HMCN1: variants seen among roughly 807,000 people sequenced by gnomAD.
The protein encoded by HMCN1 is hemicentin-1.
A neutral mutation model predicts 625.9 loss-of-function variants in HMCN1; 321 were observed. That is an observed-to-expected ratio of 0.51 (90% CI 0.47 to 0.56). The LOEUF is 0.56. Ranked by LOEUF, HMCN1 falls within the 20% of genes least tolerant of loss-of-function variation. The probability of loss-of-function intolerance (pLI) is 0.00; values close to 1 mark genes in which losing one functional copy is unlikely to be tolerated. For synonymous variants in HMCN1, 2,425 were observed against 2,417.6 expected (o/e 1.00, Z -0.09); for missense variants, 6,588 against 6,887.3 (o/e 0.96, Z 1.54).
At chr1:185,821,036 A>T (rs1571401450) in intron 1 of HMCN1, among the ~76,000 whole-genome samples, 1 of 151,844 alleles carries the variant, frequency 6.6e-6, no homozygotes, top group African/African-American at 2.4e-5. Flanking sequence ...ATATATATGT[A>T]CATGTAATAT....
At chr1:185,785,515 T>C (rs1043146381) in intron 1 of HMCN1, among the ~76,000 whole-genome samples, 2 of 152,236 alleles carry the variant, frequency 1.3e-5, no homozygotes, top group African/African-American at 4.8e-5. Flanking sequence ...TTCAAACTGC[T>C]AATTTTCCCT....
intron 106 of HMCN1, among the ~76,000 whole-genome samples, chr1:186,188,556 T>C (rs753760506): frequency 1.3e-5 from 2 of 152,176 alleles, no homozygotes; most frequent in Non-Finnish European, 2.9e-5. Context: ...GTTTTCTCTC[T>C]CCCCTTCCAG....
At chr1:185,786,720 C>A (rs73060501) in intron 1 of HMCN1, among the ~76,000 whole-genome samples, 3 of 152,282 alleles carry the variant, frequency 2.0e-5, no homozygotes, top group South Asian at 4.1e-4. Context: ...AAAGCCAACA[C>A]GAAACTTTTA....
intron 5 of HMCN1, among the ~76,000 whole-genome samples, chr1:185,910,645 A>G (rs1435585612): frequency 6.8e-6 from 1 of 147,878 alleles, no homozygotes; most frequent in Non-Finnish European, 1.5e-5. Context: ...ACCTCAGCTC[A>G]TTGCAACCTC....
chr1:186,032,667 C>T (rs891788990), intron 36 of HMCN1, among the ~76,000 whole-genome samples: 1 of 151,948 alleles, frequency 6.6e-6, no homozygotes, highest in Non-Finnish European at 1.5e-5. Context: ...AAACCTCTTT[C>T]CTTTATAAAT....
chr1:185,786,619 A>C (rs1053527148), intron 1 of HMCN1, among the ~76,000 whole-genome samples: 2 of 152,208 alleles, frequency 1.3e-5, no homozygotes, highest in Admixed American at 6.5e-5. Flanking sequence ...ACTAGCTGCA[A>C]ATGCCCTCTT....
chr1:185,982,409 A>G lies in HMCN1; in HGVS notation c.2790+20A>G. The G allele has an allele frequency of 6.3e-7, 1 of 1,599,912 alleles. No homozygotes were observed. Among genetic ancestry groups the G allele is most frequent in the Non-Finnish European group, 8.6e-7 (1 of 1,168,518 alleles). On this transcript the variant is annotated intron_variant, in intron 18 of 106. Coordinates refer to ENST00000271588, the MANE Select transcript of HMCN1 (RefSeq NM_031935.3). ...GCTATGGTAAGAACATTTTAAATGC[A>G]TGCATTCACATTCTTTTGTGAGTTT...
intron 50 of HMCN1, among the ~76,000 whole-genome samples, chr1:186,069,354 G>A (rs1049890446): frequency 1.3e-5 from 2 of 152,168 alleles, no homozygotes; most frequent in African/African-American, 4.8e-5. Flanking sequence ...GATTAAGGCA[G>A]AAACCTATTT....
In HMCN1 at chr1:186,151,642, C is replaced by G; in HGVS notation, c.14795C>G (p.Pro4932Arg). Residue 4932 changes from proline to arginine, a missense_variant, in exon 95 of 107, where the codon CCC (proline) becomes CGC (arginine). Coordinates refer to ENST00000271588, the MANE Select transcript of HMCN1 (RefSeq NM_031935.3). The stretch of plus-strand genomic sequence containing the variant: ...AGAAAGATAGTTTCTATTCTAAATC[C>G]CATTTATTGGACAACAGCAAAGGAA... ...AMRKIVSILN[P>R]IYWTTAKEIG... 6.2e-7 allele frequency: 1 copy of G among 1,612,654 alleles called. No individual in the cohort carries two copies. The highest frequency in any genetic ancestry group is 8.5e-7 in the Non-Finnish European group (1 of 1,178,896).
Position 185,922,491 on chromosome 1 carries a change from C to T in HMCN1, c.1013C>T (p.Pro338Leu). The stretch of plus-strand genomic sequence containing the variant: ...GACTTCAAAAAAACAGTCAGCAGAC[C>T]AGTGCAAGGTTTGTATGTGCATATT... ...TLDFKKTVSR[P>L]VQGIPTYVLL... Residue 338 changes from proline (P) to leucine (L), a missense_variant, in exon 7 of 107, where the codon CCA becomes CTA. This residue lies in a region of HMCN1 where 4,628 missense variants were observed against 4,853.1 expected (regional missense o/e 0.95). Coordinates refer to ENST00000271588, the MANE Select transcript of HMCN1 (RefSeq NM_031935.3). The T allele has an allele frequency of 6.2e-7, 1 of 1,611,806 alleles. No homozygotes were observed. The highest frequency in any genetic ancestry group is 2.2e-5 in the East Asian group (1 of 44,790).
chr1:185,857,249 T>C (rs1204557967), intron 2 of HMCN1, among the ~76,000 whole-genome samples: 3 of 152,186 alleles, frequency 2.0e-5, no homozygotes, highest in Non-Finnish European at 4.4e-5. Flanking sequence ...ATCTGAAAGG[T>C]CTTTGGCAAT....
chr1:185,817,129 C>T (rs574117148), intron 1 of HMCN1, among the ~76,000 whole-genome samples: 59 of 152,236 alleles, frequency 3.9e-4, no homozygotes, highest in African/African-American at 1.3e-3. Flanking sequence ...CAGAGATGAA[C>T]GAGAAACTCT....
intron 11 of HMCN1, among the ~76,000 whole-genome samples, 198 bp from the exon 12 acceptor site, chr1:185,962,320 T>C (rs1042418540): frequency 2.6e-5 from 4 of 152,200 alleles, no homozygotes; most frequent in African/African-American, 9.6e-5. Flanking sequence ...ATCAAATTCA[T>C]TTAACTTTCA....
chr1:186,150,313 C>G (rs963793128), intron 93 of HMCN1, among the ~76,000 whole-genome samples: 1 of 152,138 alleles, frequency 6.6e-6, no homozygotes, highest in African/African-American at 2.4e-5. Flanking sequence ...CTTCTCTTGT[C>G]AAAGCATGAA....
intron 93 of HMCN1, among the ~76,000 whole-genome samples, chr1:186,148,699 G>T (rs1290140170): frequency 3.9e-5 from 6 of 151,968 alleles, no homozygotes; most frequent in Non-Finnish European, 7.4e-5. Context: ...TAGAGACAGG[G>T]TTTCACCATG....
chr1:185,745,336 C>T (rs566733730), intron 1 of HMCN1, among the ~76,000 whole-genome samples: 31 of 152,292 alleles, frequency 2.0e-4, no homozygotes, highest in African/African-American at 7.2e-4. Context: ...AACCAGCCCA[C>T]GCATCAGCAG....
intron 49 of HMCN1, among the ~76,000 whole-genome samples, chr1:186,066,862 T>C (rs1294682862): frequency 6.6e-6 from 1 of 152,150 alleles, no homozygotes; most frequent in African/African-American, 2.4e-5. Flanking sequence ...ACATATTCTC[T>C]TCAAGTAATA....
intron 1 of HMCN1, among the ~76,000 whole-genome samples, chr1:185,743,982 G>GTTTTTTTTTTTTTT (rs1214723950): frequency 3.4e-5 from 3 of 88,140 alleles, no homozygotes; most frequent in African/African-American, 4.0e-5. Context: ...TTACTGTTTT[G>GTTTTTTTTTTTTTT]TTTTTTTTTT....
chr1:186,116,863 A>G (rs1661158706), intron 75 of HMCN1, 131 bp from the exon 76 acceptor site: 1 of 1,022,480 alleles, frequency 9.8e-7, no homozygotes, highest in Non-Finnish European at 1.5e-6. Flanking sequence ...CCTCAGGGAC[A>G]TGATGTTAAT....
Sources: allele counts gnomAD v4.1 joint callset (sites outside exome capture counted in the v4.1 genomes callset), GRCh38; gene constraint gnomAD v4.1.1; regional missense constraint gnomAD v4.1.1; transcripts MANE v1.5; gene names NCBI Gene and HGNC (gene_info 2026-07-23, HGNC 2026-07-21).